SVEP1: variants seen among roughly 807,000 people sequenced by gnomAD.
SVEP1 encodes sushi, von Willebrand factor type A, EGF and pentraxin domain containing 1, also known as sushi, von Willebrand factor type A, EGF and pentraxin domain-containing protein 1.
A neutral mutation model predicts 367.3 loss-of-function variants in SVEP1; 164 were observed. That is an observed-to-expected ratio of 0.45 (90% CI 0.39 to 0.51). The LOEUF is 0.51. Among genes scored for constraint, SVEP1 ranks in the 20% least tolerant of loss-of-function variants. The pLI is 0.00. For synonymous variants in SVEP1, 1,666 were observed against 1,611.6 expected (o/e 1.03, Z -0.81); for missense variants, 4,117 against 4,425.3 (o/e 0.93, Z 1.98).
chr9:110,526,524 C>T (rs1010165834), intron 3 of SVEP1, among the ~76,000 whole-genome samples: 3 of 151,954 alleles, frequency 2.0e-5, no homozygotes, highest in Admixed American at 6.6e-5. Context: ...AAAATAGTGA[C>T]GACACCAAGT....
intron 45 of SVEP1, among the ~76,000 whole-genome samples, chr9:110,375,813 C>G (rs1827342964): frequency 6.6e-6 from 1 of 152,188 alleles, no homozygotes; most frequent in Non-Finnish European, 1.5e-5. Context: ...ATTTCCATTA[C>G]AAATTACATA....
At chr9:110,551,132 G>A (rs74308641) in intron 1 of SVEP1, among the ~76,000 whole-genome samples, 12,833 of 152,250 alleles carry the variant, frequency 0.084, 775 homozygotes, top group East Asian at 0.31. Flanking sequence ...TTTTTCAGAA[G>A]GTAGGCAGGA....
intron 3 of SVEP1, among the ~76,000 whole-genome samples, chr9:110,541,799 A>G (rs920804794): frequency 6.9e-6 from 1 of 144,326 alleles, no homozygotes; most frequent in Non-Finnish European, 1.5e-5. Context: ...AGATATCTAT[A>G]TATATCTATA....
At chr9:110,572,110 T>C in intron 1 of SVEP1, among the ~76,000 whole-genome samples, 1 of 81,250 alleles carries the variant, frequency 1.2e-5, no homozygotes, top group East Asian at 9.5e-4. Context: ...TATAGTAAGA[T>C]ATAGGAAAAG....
rs1193661428 is a variant in SVEP1, at chr9:110,579,635, C to T, written c.-92G>A. 1.0e-5 allele frequency: 14 copies of T among 1,389,814 alleles called. No homozygotes were observed. Among genetic ancestry groups the T allele is most frequent in the Middle Eastern group, 2.6e-4 (1 of 3,880 alleles). The allele number at this position is 1,389,814 out of a possible 1,614,324, so 86.1% of individuals were successfully genotyped here. On this transcript the variant is annotated 5_prime_UTR_variant, in exon 1 of 48. Coordinates refer to ENST00000374469, the MANE Select transcript of SVEP1 (RefSeq NM_153366.4). This position sits in a 1 kb window ranked among gnomAD's most constrained non-coding sequence, Gnocchi z 5.3. ...GGCCGGACTCGCAGAGGGGCGTGCG[C>T]GGAGCTGGGCGCGGGGCAGCGGCCA...
In SVEP1 at chr9:110,465,995, A is replaced by G; in HGVS notation, c.3192T>C (p.Ser1064=). Residue 1064 remains serine (S), a synonymous_variant, in exon 18 of 48, where the codon AGT becomes AGC. Coordinates refer to ENST00000374469, the MANE Select transcript of SVEP1 (RefSeq NM_153366.4). The part of the protein sequence containing the change: ...AQCKQGTYSY[S]GLETCESCPL... ...GACACGATTCACAAGTCTCAAGTCC[A>G]CTGTATGAGTAGGTGCCTTGTTTAC... 4 of 1,613,670 alleles carry G rather than the reference A, an allele frequency of 2.5e-6. No homozygotes were observed. Among genetic ancestry groups the G allele is most frequent in the South Asian group, 2.2e-5 (2 of 90,966 alleles).
rs761791477 is a variant in SVEP1 at position 110,499,244 on chromosome 9, G to A, written c.1484-6C>T. 1 of 1,605,836 alleles carries A rather than the reference G, an allele frequency of 6.2e-7. No homozygotes were observed. Among genetic ancestry groups the A allele is most frequent in the African/African-American group, 1.3e-5 (1 of 74,654 alleles). Reference sequence around the variant, plus strand: ...AAAGGTGGAACAGTGGCGCTCTACGGTAGGGAAACAGAGAGAATGTTATTT... The same window carrying A: ...AAAGGTGGAACAGTGGCGCTCTACGATAGGGAAACAGAGAGAATGTTATTT... On this transcript the variant is annotated splice_polypyrimidine_tract_variant and splice_region_variant and intron_variant, in intron 6 of 47. Transcript: ENST00000374469.
At position 110,503,221 on chromosome 9, in the gene SVEP1, T is replaced by C. The variant is rs758513602; in HGVS notation, c.1304-4A>G. The C allele has an allele frequency of 6.2e-5, 99 of 1,600,708 alleles. No individual in the cohort carries two copies. Among genetic ancestry groups the C allele is most frequent in the South Asian group, 8.0e-5 (7 of 87,862 alleles). ...CGGAGATGAGGACATGTTCTTACTA[T>C]GTAAAATGAAAGCAATTAGATCACA... On this transcript the variant is annotated splice_polypyrimidine_tract_variant and splice_region_variant and intron_variant, in intron 5 of 47. Coordinates refer to ENST00000374469, the MANE Select transcript of SVEP1 (RefSeq NM_153366.4).
intron 21 of SVEP1, among the ~76,000 whole-genome samples, chr9:110,456,850 T>C (rs1279858037): frequency 5.3e-5 from 8 of 152,228 alleles, no homozygotes; most frequent in Non-Finnish European, 1.2e-4. Context: ...AGCATAGCTA[T>C]TCATAAGAAC....
intron 5 of SVEP1, among the ~76,000 whole-genome samples, chr9:110,507,929 A>G (rs553870775): frequency 2.1e-4 from 32 of 152,302 alleles, no homozygotes; most frequent in Non-Finnish European, 3.4e-4. Flanking sequence ...GGTGCCTCAT[A>G]TAGATGCAAA....
intron 9 of SVEP1, among the ~76,000 whole-genome samples, chr9:110,483,930 T>C (rs1183978746): frequency 1.3e-5 from 2 of 152,158 alleles, no homozygotes; most frequent in Non-Finnish European, 2.9e-5. Context: ...CTTTCTAAAA[T>C]CACCTTGGTC....
rs746181779 is a variant in SVEP1, at chr9:110,387,394, A to T, written c.9951T>A (p.Thr3317=). The T allele has an allele frequency of 1.9e-6, 3 of 1,613,542 alleles. No individual in the cohort carries two copies. The highest frequency in any genetic ancestry group is 2.5e-6 in the Non-Finnish European group (3 of 1,179,786). Reference sequence around the variant, plus strand: ...TGCAGGAATATACCACGTTGGGTCCAGTCGTCCTGTTTTCAATGTCAGCTT... The same window carrying T: ...TGCAGGAATATACCACGTTGGGTCCTGTCGTCCTGTTTTCAATGTCAGCTT... ...NGKADIENRT[T]GPNVVYSCNR... The change falls in exon 42 of 48, where the codon ACT becomes ACA. Residue 3317 remains threonine (T), a synonymous_variant. Transcript: ENST00000374469.
intron 1 of SVEP1, among the ~76,000 whole-genome samples, chr9:110,563,784 GTA>G (rs1169936969): frequency 2.0e-5 from 3 of 152,310 alleles, no homozygotes; most frequent in African/African-American, 7.2e-5. Flanking sequence ...GAGTTACACA[GTA>G]TGGTGTCTCC....
At chr9:110,542,120 A>T (rs993235983) in intron 3 of SVEP1, among the ~76,000 whole-genome samples, 1 of 152,078 alleles carries the variant, frequency 6.6e-6, no homozygotes, top group Admixed American at 6.6e-5. Flanking sequence ...GTTGCGAAAC[A>T]TTTTGAACAC....
At chr9:110,383,583 G>A (rs1827476112) in intron 43 of SVEP1, among the ~76,000 whole-genome samples, 1 of 151,872 alleles carries the variant, frequency 6.6e-6, no homozygotes, top group South Asian at 2.1e-4. Context: ...CAATCAGGAG[G>A]CATGGGATCA....
intron 18 of SVEP1, among the ~76,000 whole-genome samples, chr9:110,465,326 C>T (rs10817023): frequency 0.12 from 18,681 of 151,954 alleles, 1,531 homozygotes; most frequent in South Asian, 0.23. Flanking sequence ...AATTCCCAGC[C>T]TCTACTCAGA....
chr9:110,415,460 G>T (rs1030334692), intron 36 of SVEP1, among the ~76,000 whole-genome samples: 1 of 151,982 alleles, frequency 6.6e-6, no homozygotes, highest in African/African-American at 2.4e-5. Context: ...AGAGGGACTG[G>T]AGAAGGAAAT....
chr9:110,543,441 C>T (rs574082950), intron 3 of SVEP1, among the ~76,000 whole-genome samples: 12 of 152,256 alleles, frequency 7.9e-5, no homozygotes, highest in African/African-American at 2.4e-4. Flanking sequence ...TCCCCTCTAC[C>T]GATGCACTAA....
At chr9:110,388,879 G>A (rs1156428694) in intron 41 of SVEP1, among the ~76,000 whole-genome samples, 1 of 152,180 alleles carries the variant, frequency 6.6e-6, no homozygotes, top group Non-Finnish European at 1.5e-5. Context: ...TGAGGCATGA[G>A]AGTCCCTTGA....
Sources: gnomAD v4.1 joint callset for allele counts (sites outside exome capture counted in the v4.1 genomes callset) on GRCh38, gnomAD v4.1.1 for gene constraint, Gnocchi (gnomAD v3.1) non-coding constraint, MANE v1.5 for transcripts, NCBI Gene and HGNC (gene_info 2026-07-23, HGNC 2026-07-21) for gene names.